Variants in EYA4 observed in about 807,000 individuals in gnomAD.
EYA4 encodes the protein EYA transcriptional coactivator and phosphatase 4.
A neutral mutation model predicts 87.9 loss-of-function variants in EYA4; 31 were observed. The observed-to-expected ratio is 0.35, with a 90% CI of 0.27 to 0.48. The LOEUF (loss-of-function observed/expected upper bound fraction) is 0.48. Among genes scored for constraint, EYA4 ranks in the 20% least tolerant of loss-of-function variants. The probability of loss-of-function intolerance (pLI) is 0.99; values close to 1 mark genes in which losing one functional copy is unlikely to be tolerated. For missense variants in EYA4, 678 were observed against 761.4 expected, an observed-to-expected ratio of 0.89 and a Z score of 1.29; for synonymous variants, 263 against 270.6, an observed-to-expected ratio of 0.97 and a Z score of 0.28.
intron 3 of EYA4, among the ~76,000 whole-genome samples, chr6:133,387,188 T>A (rs1387901731): frequency 6.6e-6 from 1 of 152,236 alleles, no homozygotes. Context: ...ACAGTTGTGA[T>A]TTAATAATGT....
intron 2 of EYA4, among the ~76,000 whole-genome samples, chr6:133,337,561 G>T (rs1782466112): frequency 6.6e-6 from 1 of 152,140 alleles, no homozygotes; most frequent in Non-Finnish European, 1.5e-5. Flanking sequence ...ATGGAAATGT[G>T]TCATTTGTAT....
intron 2 of EYA4, among the ~76,000 whole-genome samples, chr6:133,316,555 T>G (rs535992324): frequency 6.6e-6 from 1 of 152,286 alleles, no homozygotes; most frequent in South Asian, 2.1e-4. Flanking sequence ...GAAATTGACT[T>G]CAACCTACCA....
Position 133,371,386 on chromosome 6 carries a change from G to T in EYA4, c.34-11006G>T, listed in dbSNP as rs181108314. ...TTCCCACTTCTTTTCTGAGTTGTAG[G>T]TACTATTTTCTGAAATACTCTGCAA... On this transcript the variant is annotated intron_variant, in intron 2 of 19. Transcript: ENST00000355286. Among the ~76,000 whole-genome samples the T allele has an allele frequency of 3.9e-3, 588 of 152,126 alleles. 3 individuals carry two copies. Among genetic ancestry groups the T allele is most frequent in the Middle Eastern group, 0.017 (5 of 294 alleles).
intron 2 of EYA4, among the ~76,000 whole-genome samples, chr6:133,304,222 A>G (rs1369298142): frequency 1.3e-5 from 2 of 152,082 alleles, no homozygotes; most frequent in African/African-American, 2.4e-5. Flanking sequence ...ATTATTTTAG[A>G]TTCTGGGGAT....
chr6:133,394,284 GTTTTTTTT>G (rs869103311), intron 3 of EYA4, among the ~76,000 whole-genome samples: 1 of 17,874 alleles, frequency 5.6e-5, no homozygotes, highest in African/African-American at 1.5e-4. Flanking sequence ...ATAAGCTTGT[GTTTTTTTT>G]TTTTTTTTTT....
chr6:133,397,647 A>C (rs1347567794), intron 3 of EYA4, among the ~76,000 whole-genome samples: 1 of 152,192 alleles, frequency 6.6e-6, no homozygotes, highest in African/African-American at 2.4e-5. Flanking sequence ...TATATGATAT[A>C]TCCCCATGTG....
At chr6:133,349,485 A>C (rs914969524) in intron 2 of EYA4, among the ~76,000 whole-genome samples, 5 of 152,206 alleles carry the variant, frequency 3.3e-5, no homozygotes, top group Non-Finnish European at 7.3e-5. Context: ...TGTATGAATA[A>C]ATGAATGAAA....
chr6:133,490,517 A>G (rs1797057515), intron 13 of EYA4, among the ~76,000 whole-genome samples: 1 of 152,110 alleles, frequency 6.6e-6, no homozygotes, highest in Non-Finnish European at 1.5e-5. Context: ...AATGAAAACT[A>G]AAAAAGAGCT....
At chr6:133,313,141 T>C (rs1222256171) in intron 2 of EYA4, among the ~76,000 whole-genome samples, 5 of 152,336 alleles carry the variant, frequency 3.3e-5, no homozygotes, top group South Asian at 2.1e-4. Flanking sequence ...ATTGGACTTA[T>C]AAGGTATGGG....
intron 5 of EYA4, among the ~76,000 whole-genome samples, 158 bp downstream of exon 5, chr6:133,448,337 G>T (rs879885825): frequency 2.6e-5 from 4 of 151,984 alleles, no homozygotes; most frequent in African/African-American, 7.3e-5. Context: ...GACAGCAGTT[G>T]GTTATGATTT....
At chr6:133,314,985 A>T (rs1309451532) in intron 2 of EYA4, among the ~76,000 whole-genome samples, 1 of 152,122 alleles carries the variant, frequency 6.6e-6, no homozygotes, top group Non-Finnish European at 1.5e-5. Flanking sequence ...TGACTTTTCA[A>T]TACAACTTTA....
chr6:133,264,892 C>T (rs778613591), intron 1 of EYA4, among the ~76,000 whole-genome samples: 1 of 152,044 alleles, frequency 6.6e-6, no homozygotes, highest in African/African-American at 2.4e-5. Context: ...AGTGCAGTGT[C>T]GTGATCATAG....
chr6:133,523,043 C>T lies in EYA4; in HGVS notation c.1617-13C>T. ...ATTAGAAAACAAACATGTATATTTCCTCCCTATTTTAGGAGTAACTGCATA... is the reference window on the plus strand; with the variant it reads ...ATTAGAAAACAAACATGTATATTTCTTCCCTATTTTAGGAGTAACTGCATA... On this transcript the variant is annotated splice_polypyrimidine_tract_variant and intron_variant, in intron 17 of 19. Transcript: ENST00000355286. The T allele has an allele frequency of 6.2e-7, 1 of 1,603,616 alleles. No homozygotes were observed. The highest frequency in any genetic ancestry group is 2.2e-5 in the East Asian group (1 of 44,768).
chr6:133,458,339 CGTTAA>C (rs1240063403), intron 6 of EYA4, among the ~76,000 whole-genome samples: 1 of 151,962 alleles, frequency 6.6e-6, no homozygotes, highest in African/African-American at 2.4e-5. Flanking sequence ...CGACTAGAGG[CGTTAA>C]GTTCTCAATA....
At chr6:133,483,692 T>TGTTA (rs1796430798) in intron 13 of EYA4, among the ~76,000 whole-genome samples, 1 of 130,700 alleles carries the variant, frequency 7.7e-6, no homozygotes, top group African/African-American at 2.9e-5. Flanking sequence ...ATTTATTTAT[T>TGTTA]TCATTGTTAT....
At chr6:133,356,213 A>G (rs749069082) in intron 2 of EYA4, among the ~76,000 whole-genome samples, 4 of 152,160 alleles carry the variant, frequency 2.6e-5, no homozygotes, top group East Asian at 1.9e-4. Context: ...ATAATCTCAC[A>G]TTGGAAGTTA....
intron 3 of EYA4, among the ~76,000 whole-genome samples, chr6:133,433,505 G>A (rs972726714): frequency 2.0e-5 from 3 of 152,152 alleles, no homozygotes; most frequent in Admixed American, 6.5e-5. Flanking sequence ...ACAGGCATGC[G>A]CCACCACGCC....
chr6:133,274,720 T>A lies in EYA4; in HGVS notation c.-61T>A. On this transcript the variant is annotated 5_prime_UTR_variant, in exon 2 of 20. Coordinates refer to ENST00000355286, the MANE Select transcript of EYA4 (RefSeq NM_004100.5). ...GTTTCCATCTTCTTGTTTTAGATAG[T>A]CATTTTTACTTGAAGGAAGCTGCTT... 1 of 1,396,882 alleles carries A rather than the reference T, an allele frequency of 7.2e-7. No individual in the cohort carries two copies. The highest frequency in any genetic ancestry group is 1.0e-6 in the Non-Finnish European group (1 of 982,554). The allele number at this position is 1,396,882 out of a possible 1,614,324, so 86.5% of individuals were successfully genotyped here. A position where few individuals can be genotyped will look rare whatever the true frequency, so the allele number is the denominator to read the frequency against.
At chr6:133,388,933 C>T (rs559784078) in intron 3 of EYA4, among the ~76,000 whole-genome samples, 77 of 152,184 alleles carry the variant, frequency 5.1e-4, no homozygotes, top group South Asian at 2.5e-3. Flanking sequence ...GCTCCGCCCA[C>T]GTCCTTCTGC....
Sources: allele counts gnomAD v4.1 joint callset (sites outside exome capture counted in the v4.1 genomes callset), GRCh38; gene constraint gnomAD v4.1.1; transcripts MANE v1.5; gene names NCBI Gene and HGNC (gene_info 2026-07-23, HGNC 2026-07-21).